ZNF536: variants seen among roughly 807,000 people sequenced by gnomAD.
ZNF536 encodes zinc finger protein 536.
A neutral mutation model predicts 84.5 loss-of-function variants in ZNF536; 13 were observed. The ratio of observed to expected loss-of-function variants is 0.15; its 90% CI spans 0.10 to 0.24. The LOEUF (loss-of-function observed/expected upper bound fraction) is 0.24. Among genes scored for constraint, ZNF536 ranks in the 10% least tolerant of loss-of-function variants. ZNF536 has a pLI of 1.00. For synonymous variants in ZNF536, 811 were observed against 742.5 expected, an observed-to-expected ratio of 1.09 and a Z score of -1.50; for missense variants, 1,536 against 1,747.5, an observed-to-expected ratio of 0.88 and a Z score of 2.16.
intron 1 of ZNF536, among the ~76,000 whole-genome samples, chr19:30,240,897 G>A (rs950848128): frequency 1.3e-5 from 2 of 152,336 alleles, no homozygotes; most frequent in Admixed American, 1.3e-4. Flanking sequence ...CATTGCTGTG[G>A]GGAACCTGCT....
chr19:30,414,920 A>G (rs1254122399), intron 1 of ZNF536, among the ~76,000 whole-genome samples: 1 of 152,222 alleles, frequency 6.6e-6, no homozygotes, highest in Non-Finnish European at 1.5e-5. Flanking sequence ...TGAAAATATT[A>G]CCTGACTATT....
chr19:30,635,777 G>A (rs1261982779), intron 1 of ZNF536, among the ~76,000 whole-genome samples: 1 of 152,222 alleles, frequency 6.6e-6, no homozygotes, highest in African/African-American at 2.4e-5. Flanking sequence ...TTCATTACGC[G>A]ACAGCAGACC....
chr19:30,414,016 C>T (rs546867351), intron 1 of ZNF536, among the ~76,000 whole-genome samples: 1 of 137,576 alleles, frequency 7.3e-6, no homozygotes, highest in South Asian at 2.4e-4. Context: ...TCACTTGAAT[C>T]TGGGAGGTGG....
chr19:30,458,445 C>CTTTTTTTTT (rs1568451738), intron 2 of ZNF536, among the ~76,000 whole-genome samples: 1 of 93,690 alleles, frequency 1.1e-5, no homozygotes, highest in African/African-American at 5.9e-5. Flanking sequence ...CAATTTCCTG[C>CTTTTTTTTT]TGTTTTTTTT....
chr19:30,625,932 T>C (rs185026239), intron 1 of ZNF536, among the ~76,000 whole-genome samples: 1 of 152,318 alleles, frequency 6.6e-6, no homozygotes, highest in Admixed American at 6.5e-5. Flanking sequence ...CCCTATAGAA[T>C]TGAAACGGTG....
chr19:30,652,617 C>T (rs921222149), intron 1 of ZNF536, among the ~76,000 whole-genome samples: 1 of 152,126 alleles, frequency 6.6e-6, no homozygotes, highest in African/African-American at 2.4e-5. Context: ...GAATGAGCCC[C>T]GTCATTCTGT....
rs1369505835 is a variant in ZNF536, at chr19:30,439,955, C to CTTT, written c.-2-3605_-2-3603dup. Among the ~76,000 whole-genome samples the CTTT allele has an allele frequency of 2.8e-4, 37 of 133,042 alleles. 1 individual carries two copies. The East Asian group carries it at 5.7e-3, about 21-fold the overall frequency. The allele number at this position is 133,042 out of a possible 152,430, so 87.3% of individuals were successfully genotyped here. A position where few individuals can be genotyped will look rare whatever the true frequency, so the allele number is the denominator to read the frequency against. On this transcript the variant is annotated intron_variant, in intron 1 of 4. Coordinates refer to ENST00000355537, the MANE Select transcript of ZNF536 (RefSeq NM_014717.3). ...TTCTTTCTTTCTTTTCTTTTTCTTTCTTTCTTTTTTTTTTTTTTTTTTTTT... is the reference window on the plus strand; with the variant it reads ...TTCTTTCTTTCTTTTCTTTTTCTTTCTTTTTTCTTTTTTTTTTTTTTTTTTTTT...
At chr19:30,581,774 A>G (rs1421794517) in intron 1 of ZNF536, among the ~76,000 whole-genome samples, 1 of 152,006 alleles carries the variant, frequency 6.6e-6, no homozygotes, top group Admixed American at 6.5e-5. Context: ...CATCTCTACT[A>G]AAAATACTAA....
intron 1 of ZNF536, among the ~76,000 whole-genome samples, chr19:30,599,598 T>C (rs1049612083): frequency 1.3e-5 from 2 of 151,804 alleles, no homozygotes; most frequent in Non-Finnish European, 2.9e-5. Context: ...CTGTGTGACC[T>C]TGAAATGGGC....
intron 1 of ZNF536, among the ~76,000 whole-genome samples, chr19:30,396,592 CTTTTTTT>C (rs386388859): frequency 8.9e-5 from 10 of 112,394 alleles, no homozygotes; most frequent in African/African-American, 2.0e-4. Flanking sequence ...AGGGCTCTCT[CTTTTTTT>C]TTTTTTTTTT....
In ZNF536 at chr19:30,444,245, C is replaced by T. The variant is rs759997778; in HGVS notation, c.683C>T (p.Pro228Leu). The change falls in exon 2 of 5, where the codon CCG (proline) becomes CTG (leucine). Residue 228 changes from proline (P) to leucine (L), a missense_variant. Around this residue, in one of 8 missense-constraint regions of ZNF536, gnomAD observed 138 missense variants for 136.8 expected, o/e 1.01. Transcript: ENST00000355537. ...LQPRPDLKPPPHAQQAPLAAC... is the reference protein window; with the variant it reads ...LQPRPDLKPPLHAQQAPLAAC... ...CCCCGGCCGGACCTGAAGCCCCCGC[C>T]GCACGCCCAGCAGGCCCCGCTGGCC... 4.5e-6 allele frequency: 7 copies of T among 1,546,642 alleles called. No homozygotes were observed. Among genetic ancestry groups the T allele is most frequent in the Non-Finnish European group, 6.1e-6 (7 of 1,152,392 alleles).
intron 1 of ZNF536, among the ~76,000 whole-genome samples, chr19:30,255,506 T>C (rs889504718): frequency 6.6e-6 from 1 of 152,188 alleles, no homozygotes; most frequent in Admixed American, 6.5e-5. Context: ...AAAAGGCGTC[T>C]TTTCTCTTTA....
At chr19:30,601,195 A>T (rs779668151) in intron 1 of ZNF536, among the ~76,000 whole-genome samples, 8 of 152,342 alleles carry the variant, frequency 5.3e-5, no homozygotes, top group Non-Finnish European at 1.0e-4. Flanking sequence ...GAAACTGAGG[A>T]CTAGACAGCT....
chr19:30,654,716 T>C (rs547252567), intron 1 of ZNF536, among the ~76,000 whole-genome samples: 3 of 152,038 alleles, frequency 2.0e-5, no homozygotes, highest in Non-Finnish European at 4.4e-5. Flanking sequence ...GTTTTTTTTC[T>C]CCATGAAGAC....
At chr19:30,247,294 T>C (rs1245350785) in intron 1 of ZNF536, among the ~76,000 whole-genome samples, 1 of 152,206 alleles carries the variant, frequency 6.6e-6, no homozygotes, top group Non-Finnish European at 1.5e-5. Context: ...TTCACTTGGG[T>C]ACTTTATTAC....
At chr19:30,392,942 C>T (rs2049660220) in intron 1 of ZNF536, among the ~76,000 whole-genome samples, 1 of 152,304 alleles carries the variant, frequency 6.6e-6, no homozygotes, top group South Asian at 2.1e-4. Flanking sequence ...ATGCTGAATA[C>T]TCAATGGCAT....
intron 1 of ZNF536, among the ~76,000 whole-genome samples, chr19:30,417,794 C>G (rs1454080415): frequency 1.3e-5 from 2 of 152,164 alleles, no homozygotes; most frequent in South Asian, 2.1e-4. Context: ...GGGTCTTGCT[C>G]TATTGCCCAG....
At chr19:30,652,625 T>C (rs889194797) in intron 1 of ZNF536, among the ~76,000 whole-genome samples, 1 of 152,204 alleles carries the variant, frequency 6.6e-6, no homozygotes, top group African/African-American at 2.4e-5. Context: ...CCCGTCATTC[T>C]GTAGGACTCA....
In ZNF536 at chr19:30,557,223, G is replaced by A. The variant is rs1466699948; in HGVS notation, c.*59G>A. On this transcript the variant is annotated 3_prime_UTR_variant, in exon 5 of 5. Coordinates refer to ENST00000355537, the MANE Select transcript of ZNF536 (RefSeq NM_014717.3). ...CCCTTGTCTGTTCGTGGTCCTCGGT[G>A]GTTATCTGCAGCTTGTTAATCGTGT... The A allele has an allele frequency of 9.4e-6, 15 of 1,588,914 alleles. No individual in the cohort carries two copies. Among genetic ancestry groups the A allele is most frequent in the Non-Finnish European group, 1.2e-5 (14 of 1,159,008 alleles).
Sources: gnomAD v4.1 joint callset for allele counts (sites outside exome capture counted in the v4.1 genomes callset) on GRCh38, gnomAD v4.1.1 for gene constraint, gnomAD v4.1.1 regional missense constraint, MANE v1.5 for transcripts, NCBI Gene and HGNC (gene_info 2026-07-23, HGNC 2026-07-21) for gene names.